Variants in NPHP3 observed in about 807,000 individuals in gnomAD.
NPHP3 encodes the protein nephrocystin-3.
In NPHP3, 123 loss-of-function variants were observed where a neutral mutation model predicts 171.9. The observed-to-expected ratio is 0.72, with a 90% CI of 0.62 to 0.83. The LOEUF (loss-of-function observed/expected upper bound fraction) is 0.83. Among genes scored for constraint, NPHP3 ranks in the 40% least tolerant of loss-of-function variants. The pLI is 0.00. For synonymous variants in NPHP3, 558 were observed against 579.2 expected (o/e 0.96, Z 0.52); for missense variants, 1,506 against 1,591.9 (o/e 0.95, Z 0.92).
At position 132,718,871 on chromosome 3, in the gene NPHP3, A is replaced by T. The variant is rs966296288; in HGVS notation, c.670+123T>A. ...GAGAGAACACACGACACTATTTGCAACAGTAGTTAAAGCAATAACCTAATA... is the reference window on the plus strand; with the variant it reads ...GAGAGAACACACGACACTATTTGCATCAGTAGTTAAAGCAATAACCTAATA... On this transcript the variant is annotated intron_variant, in intron 3 of 26. Coordinates refer to ENST00000337331, the MANE Select transcript of NPHP3 (RefSeq NM_153240.5). 5.7e-5 allele frequency: 53 copies of T among 937,938 alleles called. No individual in the cohort carries two copies. In the African/African-American group the frequency reaches 7.9e-4, roughly 14 times the overall value. 58.1% of individuals were successfully genotyped at this position (937,938 alleles called of 1,614,324 possible).
Position 132,722,342 on chromosome 3 carries a change from G to A in NPHP3, c.14C>T (p.Ser5Leu), listed in dbSNP as rs1940259929. 1 of 1,577,442 alleles carries A rather than the reference G, an allele frequency of 6.3e-7. No homozygotes were observed. Among genetic ancestry groups the A allele is most frequent in the Non-Finnish European group, 8.5e-7 (1 of 1,171,036 alleles). The change falls in exon 1 of 27, where the codon TCG (serine) becomes TTG (leucine). Residue 5 changes from serine to leucine, a missense_variant. Coordinates refer to ENST00000337331, the MANE Select transcript of NPHP3 (RefSeq NM_153240.5). The part of the protein sequence containing the change: MGTA[S>L]SLVSPAGGEV... ...CCCGCCCGCGGGGCTCACGAGCGACGAGGCGGTCCCCATGGCGTCCGTTGC... is the reference window on the plus strand; with the variant it reads ...CCCGCCCGCGGGGCTCACGAGCGACAAGGCGGTCCCCATGGCGTCCGTTGC...
intron 6 of NPHP3, among the ~76,000 whole-genome samples, chr3:132,711,817 G>A (rs1330882564): frequency 6.6e-6 from 1 of 152,298 alleles, no homozygotes; most frequent in East Asian, 1.9e-4. Context: ...CCCTACTGAA[G>A]GCAATCAAGT....
At chr3:132,691,983 A>C (rs990377205) in intron 17 of NPHP3, among the ~76,000 whole-genome samples, 1 of 152,232 alleles carries the variant, frequency 6.6e-6, no homozygotes, top group Non-Finnish European at 1.5e-5. Flanking sequence ...GGTCAACAAC[A>C]AACTGCATAC....
chr3:132,694,392 C>T (rs1198246205), intron 16 of NPHP3, among the ~76,000 whole-genome samples: 1 of 150,972 alleles, frequency 6.6e-6, no homozygotes, highest in Non-Finnish European at 1.5e-5. Context: ...CACACACACA[C>T]ACATATATAT....
intron 9 of NPHP3, among the ~76,000 whole-genome samples, chr3:132,702,026 A>AAAACAAAC (rs373198014): frequency 1.3e-5 from 2 of 152,028 alleles, no homozygotes; most frequent in African/African-American, 4.8e-5. Flanking sequence ...ACTCCGTCTC[A>AAAACAAAC]AAACAAACAA....
Position 132,722,179 on chromosome 3 carries a change from C to CGACCCG in NPHP3, c.171_176dup (p.Gly58_Ser59dup), listed in dbSNP as rs1940251074. On this transcript the variant is annotated inframe_insertion, in exon 1 of 27. Coordinates refer to ENST00000337331, the MANE Select transcript of NPHP3 (RefSeq NM_153240.5). ...CGCCCGCGCCCACCCCGCGGGGCAG[C>CGACCCG]GACCCGGGCCCGGCCCCTGCTGCCG... 10 of 1,527,172 alleles carry CGACCCG rather than the reference C, an allele frequency of 6.5e-6. No individual in the cohort carries two copies. Among genetic ancestry groups the CGACCCG allele is most frequent in the Non-Finnish European group, 8.7e-6 (10 of 1,146,318 alleles). The allele number at this position is 1,527,172 out of a possible 1,614,324, so 94.6% of individuals were successfully genotyped here.
chr3:132,697,507 TTAAG>T (rs1410413795), intron 13 of NPHP3, 145 bp from the exon 14 acceptor site: 4 of 599,244 alleles, frequency 6.7e-6, no homozygotes, highest in Admixed American at 2.9e-5. Context: ...ATTAATCATA[TTAAG>T]TAATTAATAT....
intron 6 of NPHP3, among the ~76,000 whole-genome samples, chr3:132,710,324 C>T (rs993767787): frequency 4.8e-5 from 7 of 145,486 alleles, no homozygotes; most frequent in African/African-American, 1.8e-4. Flanking sequence ...AATTCTATAA[C>T]GAAACTCTAT....
chr3:132,688,832 G>T lies in NPHP3; in HGVS notation c.2943C>A (p.His981Gln), dbSNP rs1231672144. The T allele has an allele frequency of 6.2e-7, 1 of 1,614,110 alleles. No homozygotes were observed. Among genetic ancestry groups the T allele is most frequent in the Admixed American group, 1.7e-5 (1 of 60,010 alleles). ...EIRETALDPDHPRVAQSLHQL... is the reference protein window; with the variant it reads ...EIRETALDPDQPRVAQSLHQL... Reference sequence around the variant, plus strand: ...GGTGGAGGGACTGGGCTACTCTTGGGTGATCGGGATCTAAAGCTGTTTCTC... The same window carrying T: ...GGTGGAGGGACTGGGCTACTCTTGGTTGATCGGGATCTAAAGCTGTTTCTC... The change falls in exon 21 of 27, where the codon CAC (histidine) becomes CAA (glutamine). Residue 981 changes from histidine (H) to glutamine (Q), a missense_variant. Physicochemically the swap from His to Gln is conservative, Grantham distance 24. Transcript: ENST00000337331.
chr3:132,710,583 T>C (rs765063514), intron 6 of NPHP3, among the ~76,000 whole-genome samples: 1 of 152,128 alleles, frequency 6.6e-6, no homozygotes, highest in Non-Finnish European at 1.5e-5. Context: ...AGGGTGCTGA[T>C]GTAATGAAAG....
intron 1 of NPHP3, 47 bp downstream of exon 1, chr3:132,721,916 C>G (rs917768657): frequency 5.0e-5 from 80 of 1,601,806 alleles, no homozygotes; most frequent in Non-Finnish European, 6.8e-5. Context: ...GCAGGACGGC[C>G]GTGCTTCCCA....
At chr3:132,683,596 A>C (rs1939086073) in intron 24 of NPHP3, 72 bp from the exon 25 acceptor site, 1 of 1,275,508 alleles carries the variant, frequency 7.8e-7, no homozygotes, top group Non-Finnish European at 1.1e-6. Context: ...TTTTTCCATA[A>C]GTAAAATTTC....
At chr3:132,705,103 G>A (rs528607700) in intron 8 of NPHP3, among the ~76,000 whole-genome samples, 2 of 152,264 alleles carry the variant, frequency 1.3e-5, no homozygotes, top group African/African-American at 4.8e-5. Flanking sequence ...GCTAAACATG[G>A]TACATCTTCC....
rs1160632822 is a variant in NPHP3, at chr3:132,694,223, G to C, written c.2310+604C>G. On this transcript the variant is annotated intron_variant, in intron 16 of 26. Transcript: ENST00000337331. ...GAAGAGATGTATTATTTAGTAAAAA[G>C]AACAATTAATTATCCATATGACAGA... Among the ~76,000 whole-genome samples the C allele has an allele frequency of 4.6e-5, 7 of 151,972 alleles. No individual in the cohort carries two copies. The East Asian group carries it at 1.4e-3, about 29-fold the overall frequency.
At chr3:132,682,529 C>T in intron 26 of NPHP3, 174 bp downstream of exon 26, 1 of 615,382 alleles carries the variant, frequency 1.6e-6, no homozygotes, top group Non-Finnish European at 2.9e-6. Flanking sequence ...ATAGATCATG[C>T]AGGCTTCATT....
chr3:132,700,303 T>A lies in NPHP3; in HGVS notation c.1743+31A>T, dbSNP rs775055570. The A allele has an allele frequency of 4.1e-6, 6 of 1,469,538 alleles. No homozygotes were observed. The East Asian group carries it at 1.4e-4, about 33-fold the overall frequency. The allele number at this position is 1,469,538 out of a possible 1,614,324, so 91.0% of individuals were successfully genotyped here. On this transcript the variant is annotated intron_variant, in intron 11 of 26. Coordinates refer to ENST00000337331, the MANE Select transcript of NPHP3 (RefSeq NM_153240.5). ...CAACAATTTCTGAATCTAAATAAAA[T>A]TCTGTAATTCCAAAAGATGGGATAC...
At chr3:132,717,231 T>C (rs898570028) in intron 3 of NPHP3, 4 of 302,306 alleles carry the variant, frequency 1.3e-5, no homozygotes, top group Non-Finnish European at 1.9e-5. Context: ...CATTTCCAAC[T>C]GTACAGCTTA....
rs760721913 is a variant in NPHP3, at chr3:132,715,070, T to G, written c.957+15A>C. On this transcript the variant is annotated intron_variant, in intron 5 of 26. Transcript: ENST00000337331. ...ATTTTAAATTGGTTGATACAGAATTTATAAATATCCTCACCTTAAGGAAAA... is the reference window on the plus strand; with the variant it reads ...ATTTTAAATTGGTTGATACAGAATTGATAAATATCCTCACCTTAAGGAAAA... 1 of 1,604,560 alleles carries G rather than the reference T, an allele frequency of 6.2e-7. No homozygotes were observed. Among genetic ancestry groups the G allele is most frequent in the South Asian group, 1.1e-5 (1 of 90,708 alleles).
At chr3:132,691,429 G>A in intron 17 of NPHP3, 143 bp from the exon 18 acceptor site, 2 of 636,540 alleles carry the variant, frequency 3.1e-6, no homozygotes, top group Non-Finnish European at 5.5e-6. Context: ...TTTAAATTTA[G>A]GACATATTTA....
Sources: allele counts gnomAD v4.1 joint callset (sites outside exome capture counted in the v4.1 genomes callset), GRCh38; gene constraint gnomAD v4.1.1; transcripts MANE v1.5; gene names NCBI Gene and HGNC (gene_info 2026-07-23, HGNC 2026-07-21).